LIPH: variants seen among roughly 807,000 people sequenced by gnomAD.
LIPH encodes lipase H.
A neutral mutation model predicts 47.6 loss-of-function variants in LIPH; 32 were observed. That is an observed-to-expected ratio of 0.67 (90% CI 0.51 to 0.90). LIPH has a LOEUF of 0.90. LIPH is among the 40% of genes least tolerant of loss of function. The pLI is 0.00. For missense variants in LIPH, 497 were observed against 541.4 expected, an observed-to-expected ratio of 0.92 and a Z score of 0.81; for synonymous variants, 190 against 195.6, an observed-to-expected ratio of 0.97 and a Z score of 0.24.
In LIPH at chr3:185,519,232, TG is replaced by T. The variant is rs778295244; in HGVS notation, c.795del (p.Thr266LeufsTer41). 1 of 1,612,808 alleles carries T rather than the reference TG, an allele frequency of 6.2e-7. No homozygotes were observed. The highest frequency in any genetic ancestry group is 8.5e-7 in the Non-Finnish European group (1 of 1,178,832). ...YLSSLRESCT[I>X]TAYPCDSYQD... ...TGGTAGGAGTCACAGGGATACGCAG[TG>T]ATGGTGCAGCTCTCTCTCAGGGAAG... is the stretch of plus-strand genomic sequence containing the variant. On this transcript the variant is annotated frameshift_variant, in exon 6 of 10. Coordinates refer to ENST00000296252, the MANE Select transcript of LIPH (RefSeq NM_139248.3).
chr3:185,541,736 TTTTATTTA>T (rs1363186800), intron 1 of LIPH, among the ~76,000 whole-genome samples: 1 of 147,556 alleles, frequency 6.8e-6, no homozygotes, highest in African/African-American at 2.5e-5. Context: ...GTTTTTGGTG[TTTTATTTA>T]TTTATTTATT....
intron 5 of LIPH, among the ~76,000 whole-genome samples, chr3:185,519,734 G>A (rs1235839175): frequency 1.3e-5 from 2 of 148,660 alleles, no homozygotes; most frequent in Non-Finnish European, 3.0e-5. Context: ...TACTCAGGAG[G>A]CTAAGGCAGG....
At chr3:185,537,617 T>A (rs948713763) in intron 1 of LIPH, among the ~76,000 whole-genome samples, 12 of 152,098 alleles carry the variant, frequency 7.9e-5, no homozygotes, top group African/African-American at 2.9e-4. Context: ...CTCTCCTTCT[T>A]AGCTATCAGT....
Position 185,506,854 on chromosome 3 carries a change from A to AAAC in LIPH, c.*1935_*1936insGTT, listed in dbSNP as rs1719392961. 2 of 150,822 alleles carry AAAC rather than the reference A, an allele frequency of 1.3e-5. No homozygotes were observed. Among genetic ancestry groups the AAAC allele is most frequent in the Non-Finnish European group, 2.9e-5 (2 of 67,962 alleles). 9.3% of individuals were successfully genotyped at this position (150,822 alleles called of 1,614,324 possible). On this transcript the variant is annotated 3_prime_UTR_variant, in exon 10 of 10. Coordinates refer to ENST00000296252, the MANE Select transcript of LIPH (RefSeq NM_139248.3). ...CTAAAAAAAAAAAAAAAAAAAAAAA[A>AAAC]AAAAAACCAGGGCCTACAGCACACT...
chr3:185,519,209 G>T lies in LIPH; in HGVS notation c.819C>A (p.Tyr273Ter). Residue 273 changes from tyrosine to a stop codon, truncating the protein, a stop_gained, in exon 6 of 10, where the codon TAC becomes TAA. Transcript: ENST00000296252. LOFTEE classifies it high-confidence loss of function. ...CACACTTGCCATTCCTATAATCCTGGTAGGAGTCACAGGGATACGCAGTGA... is the reference window on the plus strand; with the variant it reads ...CACACTTGCCATTCCTATAATCCTGTTAGGAGTCACAGGGATACGCAGTGA... The part of the protein sequence containing the change: ...CTITAYPCDS[Y>*]QDYRNGKCVS... The T allele has an allele frequency of 6.2e-7, 1 of 1,612,468 alleles. No homozygotes were observed. The highest frequency in any genetic ancestry group is 8.5e-7 in the Non-Finnish European group (1 of 1,178,518).
chr3:185,508,768 T>C lies in LIPH; in HGVS notation c.*22A>G. On this transcript the variant is annotated 3_prime_UTR_variant, in exon 10 of 10. Coordinates refer to ENST00000296252, the MANE Select transcript of LIPH (RefSeq NM_139248.3). ...GTTGTAGCTTTCTTTCTATTATTTA[T>C]GGCCATGTGTCCTGGCAACAGTTAC... The C allele has an allele frequency of 2.6e-6, 4 of 1,521,808 alleles. No individual in the cohort carries two copies. Among genetic ancestry groups the C allele is most frequent in the Non-Finnish European group, 3.7e-6 (4 of 1,095,732 alleles). The allele number at this position is 1,521,808 out of a possible 1,614,324, so 94.3% of individuals were successfully genotyped here.
chr3:185,523,813 C>A (rs1225000052), intron 5 of LIPH, among the ~76,000 whole-genome samples: 1 of 152,058 alleles, frequency 6.6e-6, no homozygotes, highest in Non-Finnish European at 1.5e-5. Flanking sequence ...ACCTCTGTCT[C>A]CCAGGTTCAA....
chr3:185,535,404 A>T (rs1720474526), intron 1 of LIPH, among the ~76,000 whole-genome samples: 1 of 151,984 alleles, frequency 6.6e-6, no homozygotes, highest in Non-Finnish European at 1.5e-5. Flanking sequence ...AGCCTCCTTG[A>T]GTAGCTGGGA....
chr3:185,543,716 T>C (rs546385288), intron 1 of LIPH, among the ~76,000 whole-genome samples: 59 of 152,262 alleles, frequency 3.9e-4, no homozygotes, highest in African/African-American at 1.3e-3. Context: ...TCCATAACTA[T>C]TTTTTTGTAA....
intron 1 of LIPH, among the ~76,000 whole-genome samples, chr3:185,540,486 G>A (rs1720667460): frequency 6.6e-6 from 1 of 152,176 alleles, no homozygotes; most frequent in Admixed American, 6.5e-5. Context: ...GGGAGGCCAA[G>A]GCGGGTGGAT....
chr3:185,510,698 G>A (rs1719535107), intron 9 of LIPH, among the ~76,000 whole-genome samples: 2 of 152,088 alleles, frequency 1.3e-5, no homozygotes, highest in Admixed American at 6.6e-5. Flanking sequence ...TGGCCAACAT[G>A]GCGAAACTAA....
intron 5 of LIPH, among the ~76,000 whole-genome samples, chr3:185,522,653 A>AAG (rs1560160864): frequency 2.4e-3 from 33 of 13,744 alleles, no homozygotes; most frequent in South Asian, 0.011. Context: ...AGAAAGAAAA[A>AAG]GAAAGAAAGA....
intron 1 of LIPH, among the ~76,000 whole-genome samples, chr3:185,544,693 G>A (rs4687452): frequency 1 from 151,920 of 152,298 alleles, 75,773 homozygotes; most frequent in Middle Eastern, 1. Context: ...CATTTTTTCT[G>A]CAACATACCT....
intron 1 of LIPH, among the ~76,000 whole-genome samples, chr3:185,541,271 C>T (rs1271899651): frequency 1.3e-5 from 2 of 152,094 alleles, no homozygotes; most frequent in Admixed American, 6.6e-5. Flanking sequence ...GTTAATAGAC[C>T]TATATTGCCT....
chr3:185,539,668 G>A (rs1720640906), intron 1 of LIPH, among the ~76,000 whole-genome samples: 1 of 152,136 alleles, frequency 6.6e-6, no homozygotes, highest in African/African-American at 2.4e-5. Context: ...ACCACGCCCG[G>A]CCGCATTTTA....
chr3:185,513,868 G>A (rs1032794518), intron 8 of LIPH, among the ~76,000 whole-genome samples: 17 of 152,116 alleles, frequency 1.1e-4, no homozygotes, highest in South Asian at 4.2e-4. Flanking sequence ...GTGAAACCCC[G>A]TCTCTACTAA....
intron 1 of LIPH, among the ~76,000 whole-genome samples, chr3:185,545,475 T>C (rs1720842281): frequency 6.6e-6 from 1 of 152,242 alleles, no homozygotes; most frequent in South Asian, 2.1e-4. Flanking sequence ...TGTCCACGGC[T>C]ACTTTCCTGC....
At chr3:185,548,934 C>A (rs1287791882) in intron 1 of LIPH, among the ~76,000 whole-genome samples, 4 of 151,918 alleles carry the variant, frequency 2.6e-5, no homozygotes. Flanking sequence ...GAGTTCAAGA[C>A]CAGCCTGGCC....
rs1236990982 is a variant in LIPH, at chr3:185,508,095, C to G, written c.*695G>C. ...AGTCCATCCCCATCTCCTCCAGCTC[C>G]TCCATGCTCCAACAGCACTTTAGAG... On this transcript the variant is annotated 3_prime_UTR_variant, in exon 10 of 10. Transcript: ENST00000296252. 1 of 152,960 alleles carries G rather than the reference C, an allele frequency of 6.5e-6. No individual in the cohort carries two copies. The highest frequency in any genetic ancestry group is 1.5e-5 in the Non-Finnish European group (1 of 68,576). The allele number at this position is 152,960 out of a possible 1,614,324, so 9.5% of individuals were successfully genotyped here. A position where few individuals can be genotyped will look rare whatever the true frequency, so the allele number is the denominator to read the frequency against.
Sources: allele counts gnomAD v4.1 joint callset (sites outside exome capture counted in the v4.1 genomes callset), GRCh38; gene constraint gnomAD v4.1.1; transcripts MANE v1.5; gene names NCBI Gene and HGNC (gene_info 2026-07-23, HGNC 2026-07-21).